CABIN1: variants seen among roughly 807,000 people sequenced by gnomAD.
CABIN1 encodes the protein calcineurin-binding protein cabin-1.
CABIN1 carries 133 observed loss-of-function variants against 227.7 expected under a neutral mutation model. The ratio of observed to expected loss-of-function variants is 0.58; its 90% CI spans 0.51 to 0.67. The LOEUF (loss-of-function observed/expected upper bound fraction) is 0.67. Ranked by LOEUF, CABIN1 falls within the 30% of genes least tolerant of loss-of-function variation. The pLI is 0.00. For synonymous variants in CABIN1, 1,086 were observed against 1,155.1 expected (o/e 0.94, Z 1.21); for missense variants, 2,408 against 2,852.5 (o/e 0.84, Z 3.55).
intron 29 of CABIN1, among the ~76,000 whole-genome samples, chr22:24,144,372 C>T (rs2044977135): frequency 6.6e-6 from 1 of 152,236 alleles, no homozygotes; most frequent in South Asian, 2.1e-4. Flanking sequence ...GAGAGCAGGG[C>T]TGAGACCTCC....
chr22:24,148,598 G>A lies in CABIN1; in HGVS notation c.4746+14183G>A, dbSNP rs555580116. On this transcript the variant is annotated intron_variant, in intron 29 of 36. Coordinates refer to ENST00000263119, the MANE Select transcript of CABIN1 (RefSeq NM_012295.4). ...CCTGTCCTCAGAATTTAGTCCTGCT[G>A]TGACTTCCTGGTCTTGGCCCCTTTT... Among the ~76,000 whole-genome samples the A allele has an allele frequency of 3.9e-5, 6 of 152,386 alleles. No homozygotes were observed. In the South Asian group the frequency reaches 1.2e-3, roughly 32 times the overall value.
intron 34 of CABIN1, among the ~76,000 whole-genome samples, chr22:24,172,318 A>G (rs761992495): frequency 2.2e-4 from 33 of 152,214 alleles, no homozygotes; most frequent in Non-Finnish European, 3.4e-4. Flanking sequence ...CCTTATAGTA[A>G]GTAGGAAGGA....
intron 15 of CABIN1, among the ~76,000 whole-genome samples, chr22:24,066,556 T>C (rs1017602747): frequency 6.6e-6 from 1 of 152,246 alleles, no homozygotes; most frequent in African/African-American, 2.4e-5. Flanking sequence ...AGTACAGAGC[T>C]GTCTACATGC....
chr22:24,155,950 G>A (rs1055688267), intron 29 of CABIN1: 2 of 515,122 alleles, frequency 3.9e-6, no homozygotes, highest in Admixed American at 4.2e-5. Flanking sequence ...GTAGAGTGCC[G>A]GCGCCCCGTC....
At chr22:24,025,867 T>C (rs979800696) in intron 1 of CABIN1, among the ~76,000 whole-genome samples, 7 of 152,150 alleles carry the variant, frequency 4.6e-5, no homozygotes, top group Admixed American at 4.6e-4. Flanking sequence ...AGGCTTTCAC[T>C]CTGTTGCCCA....
intron 23 of CABIN1, among the ~76,000 whole-genome samples, chr22:24,089,923 T>C (rs999547328): frequency 4.6e-5 from 7 of 152,234 alleles, no homozygotes; most frequent in African/African-American, 1.7e-4. Context: ...AAGGCAGTAT[T>C]GTGAGAGTTC....
chr22:24,090,949 G>A (rs968876774), intron 23 of CABIN1, among the ~76,000 whole-genome samples: 6 of 152,236 alleles, frequency 3.9e-5, no homozygotes, highest in African/African-American at 1.4e-4. Flanking sequence ...GTATTGGAAA[G>A]TAGTGCCTCT....
At position 24,177,980 on chromosome 22, in the gene CABIN1, G is replaced by T; in HGVS notation, c.6520-73G>T. 2 of 1,605,776 alleles carry T rather than the reference G, an allele frequency of 1.2e-6. No homozygotes were observed. Among genetic ancestry groups the T allele is most frequent in the Admixed American group, 1.7e-5 (1 of 59,954 alleles). ...GGTGGGAGGGGGGCCTGGGGCAGGG[G>T]TGAAGGTGGCAGAGGGGCTTGGGGC... On this transcript the variant is annotated intron_variant, in intron 36 of 36. Transcript: ENST00000263119. This position sits in a 1 kb window ranked among gnomAD's most constrained non-coding sequence, Gnocchi z 4.4.
intron 32 of CABIN1, 104 bp downstream of exon 32, chr22:24,167,417 G>A: frequency 9.3e-7 from 1 of 1,069,774 alleles, no homozygotes; most frequent in Non-Finnish European, 1.4e-6. Context: ...CTTGGGGCGG[G>A]TTTTAGGTGT....
intron 29 of CABIN1, among the ~76,000 whole-genome samples, chr22:24,151,305 G>T (rs1439294016): frequency 6.6e-6 from 1 of 152,122 alleles, no homozygotes; most frequent in Non-Finnish European, 1.5e-5. Flanking sequence ...ACCATTCATG[G>T]CCTGAAACCA....
At chr22:24,164,344 C>A in intron 29 of CABIN1, 56 bp from the exon 30 acceptor site, 1 of 1,594,610 alleles carries the variant, frequency 6.3e-7, no homozygotes. Flanking sequence ...ACAGGGTGTC[C>A]CCGAGGCTCC....
intron 27 of CABIN1, among the ~76,000 whole-genome samples, chr22:24,116,158 G>A (rs1046764889): frequency 1.1e-4 from 17 of 152,142 alleles, no homozygotes; most frequent in Admixed American, 7.2e-4. Context: ...TGCAGCTAGC[G>A]GAAGCTCACC....
At position 24,056,319 on chromosome 22, in the gene CABIN1, A is replaced by G. The variant is rs761277645; in HGVS notation, c.1221A>G (p.Lys407=). Residue 407 remains lysine (K), a synonymous_variant, in exon 10 of 37, where the codon AAA becomes AAG. Transcript: ENST00000263119. ...ACACCAAGTGCAAAAAAGAAGAGAA[A>G]GTAGACTTCCAGGAGCTTCTGATGA... ...VRNTKCKKEE[K]VDFQELLMKF... The G allele has an allele frequency of 9.5e-5, 153 of 1,613,962 alleles. No individual in the cohort carries two copies. Among genetic ancestry groups the G allele is most frequent in the East Asian group, 8.5e-4 (38 of 44,880 alleles).
chr22:24,088,336 G>A (rs1443439066), intron 23 of CABIN1, among the ~76,000 whole-genome samples: 1 of 152,238 alleles, frequency 6.6e-6, no homozygotes, highest in Non-Finnish European at 1.5e-5. Flanking sequence ...TTGGCCGGGT[G>A]TGGTGGCTCA....
At chr22:24,071,074 C>A in intron 17 of CABIN1, 32 bp downstream of exon 17, 1 of 1,614,022 alleles carries the variant, frequency 6.2e-7, no homozygotes, top group South Asian at 1.1e-5. Flanking sequence ...CCCTGCCCTG[C>A]CCCAGCAGGT....
intron 1 of CABIN1, among the ~76,000 whole-genome samples, chr22:24,015,036 G>A (rs1022365981): frequency 5.3e-5 from 8 of 151,970 alleles, no homozygotes; most frequent in African/African-American, 1.9e-4. Context: ...GGCTGAGGTG[G>A]GCAGATTGCC....
At chr22:24,120,910 G>A (rs1275768159) in intron 28 of CABIN1, among the ~76,000 whole-genome samples, 2 of 152,204 alleles carry the variant, frequency 1.3e-5, no homozygotes, top group Non-Finnish European at 2.9e-5. Flanking sequence ...GGCATAGAGG[G>A]GTGAGGGTGC....
rs377517449 is a variant in CABIN1, at chr22:24,138,685, A to G, written c.4746+4270A>G. ...TATCCTCCTGTAATTGTTTCTCTCCAGGCATACCACCCACCAGGAGCTTCC... is the reference window on the plus strand; with the variant it reads ...TATCCTCCTGTAATTGTTTCTCTCCGGGCATACCACCCACCAGGAGCTTCC... On this transcript the variant is annotated intron_variant, in intron 29 of 36. Coordinates refer to ENST00000263119, the MANE Select transcript of CABIN1 (RefSeq NM_012295.4). Among the ~76,000 whole-genome samples, 76 of 152,346 alleles carry G rather than the reference A, an allele frequency of 5.0e-4. 1 individual carries two copies. The East Asian group carries it at 0.012, about 24-fold the overall frequency.
chr22:24,121,646 A>G (rs898284209), intron 28 of CABIN1, among the ~76,000 whole-genome samples: 2 of 152,226 alleles, frequency 1.3e-5, no homozygotes, highest in Admixed American at 6.5e-5. Context: ...CTGAGGGGCA[A>G]TGGCTGATAT....
Sources: gnomAD v4.1 joint callset for allele counts (sites outside exome capture counted in the v4.1 genomes callset) on GRCh38, gnomAD v4.1.1 for gene constraint, Gnocchi (gnomAD v3.1) non-coding constraint, MANE v1.5 for transcripts, NCBI Gene and HGNC (gene_info 2026-07-23, HGNC 2026-07-21) for gene names.